CHDH: variants seen among roughly 807,000 people sequenced by gnomAD.
The protein encoded by CHDH is choline dehydrogenase, also known as choline dehydrogenase, mitochondrial.
In CHDH, 43 loss-of-function variants were observed where a neutral mutation model predicts 56.9. The observed-to-expected ratio is 0.76, with a 90% CI of 0.59 to 0.97. The LOEUF is 0.97. Ranked by LOEUF, CHDH falls within the 50% of genes least tolerant of loss-of-function variation. The probability of loss-of-function intolerance (pLI) is 0.00; values close to 1 mark genes in which losing one functional copy is unlikely to be tolerated. For missense variants in CHDH, 816 were observed against 821.1 expected (o/e 0.99, Z 0.08); for synonymous variants, 364 against 348.5 (o/e 1.04, Z -0.50).
Position 53,815,973 on chromosome 3 carries a change from A to T in CHDH, c.*1804T>A. The T allele has an allele frequency of 6.6e-6, 1 of 151,982 alleles. No individual in the cohort carries two copies. The highest frequency in any genetic ancestry group is 1.9e-4 in the East Asian group (1 of 5,190). 9.4% of individuals were successfully genotyped at this position (151,982 alleles called of 1,614,324 possible). On this transcript the variant is annotated 3_prime_UTR_variant, in exon 9 of 9. Transcript: ENST00000315251. ...AAATAAGTCTCTTGGCCGGTTTAGA[A>T]TTTTCTTTCTTGACCCTCTCTTCGA...
At chr3:53,833,047 G>A (rs1325883304) in intron 2 of CHDH, among the ~76,000 whole-genome samples, 1 of 152,176 alleles carries the variant, frequency 6.6e-6, no homozygotes, top group African/African-American at 2.4e-5. Context: ...GGCATTCCTG[G>A]GGGTTTTCAT....
chr3:53,819,094 C>T lies in CHDH; in HGVS notation c.1264-54G>A. 2.4e-6 allele frequency: 3 copies of T among 1,226,414 alleles called. No individual in the cohort carries two copies. In the South Asian group the frequency reaches 3.9e-5, roughly 16 times the overall value. 76.0% of individuals were successfully genotyped at this position (1,226,414 alleles called of 1,614,324 possible). On this transcript the variant is annotated intron_variant, in intron 7 of 8. Transcript: ENST00000315251. The surrounding 1 kb of genome is among the most constrained non-coding windows in gnomAD (Gnocchi z 5.4). ...GTCCCTCCATAGACATCCACAGTGACCTCTGTCAACCCTGGTTTACCTGTA... is the reference window on the plus strand; with the variant it reads ...GTCCCTCCATAGACATCCACAGTGATCTCTGTCAACCCTGGTTTACCTGTA...
In CHDH at chr3:53,816,840, GTTTTTTTTTTT is replaced by G. The variant is rs3079411; in HGVS notation, c.*926_*936del. ...TGAATAAGGTCCAAAAAAATCTCAGGTTTTTTTTTTTTTTTTTTTTTTTGAGACAGGGTCTC... is the reference window on the plus strand; with the variant it reads ...TGAATAAGGTCCAAAAAAATCTCAGGTTTTTTTTTTTTGAGACAGGGTCTC... On this transcript the variant is annotated 3_prime_UTR_variant, in exon 9 of 9. Transcript: ENST00000315251. 1.2e-4 allele frequency: 14 copies of G among 112,526 alleles called. No individual in the cohort carries two copies. Among genetic ancestry groups the G allele is most frequent in the African/African-American group, 4.4e-4 (12 of 27,544 alleles). The allele number at this position is 112,526 out of a possible 1,614,324, so 7.0% of individuals were successfully genotyped here.
At position 53,817,996 on chromosome 3, in the gene CHDH, GGAGGGCTGGCCCATCTTACAGGTGCAC is replaced by G; in HGVS notation, c.1539_1565del (p.Cys514_Ser522del). Reference sequence around the variant, plus strand: ...GCGGATCCACCACGGCAGTGGGATCGGAGGGCTGGCCCATCTTACAGGTGCACGAGGGGTGGTAGGCGCTGTCGGCTT... The same window carrying G: ...GCGGATCCACCACGGCAGTGGGATCGGAGGGGTGGTAGGCGCTGTCGGCTT... On this transcript the variant is annotated inframe_deletion, in exon 9 of 9. Transcript: ENST00000315251. 2 of 1,614,212 alleles carry G rather than the reference GGAGGGCTGGCCCATCTTACAGGTGCAC, an allele frequency of 1.2e-6. No individual in the cohort carries two copies. Among genetic ancestry groups the G allele is most frequent in the Non-Finnish European group, 1.7e-6 (2 of 1,180,040 alleles).
chr3:53,822,480 A>T lies in CHDH; in HGVS notation c.855+11T>A, dbSNP rs370373778. The T allele has an allele frequency of 1.9e-4, 311 of 1,601,212 alleles. 1 individual carries two copies. The highest frequency in any genetic ancestry group is 2.6e-4 in the Non-Finnish European group (304 of 1,170,516). On this transcript the variant is annotated intron_variant, in intron 4 of 8. Transcript: ENST00000315251. ...CCCCTTCTTCCAGGACCCCAGCTGC[A>T]GTCCACTCACCCTGTGGCTCTGGCC... is the stretch of plus-strand genomic sequence containing the variant.
intron 4 of CHDH, among the ~76,000 whole-genome samples, chr3:53,822,072 C>T (rs79071432): frequency 1.3e-3 from 200 of 151,002 alleles, no homozygotes; most frequent in African/African-American, 4.5e-3. Context: ...AGAGAGCAAG[C>T]GGTGAACCAG....
intron 2 of CHDH, among the ~76,000 whole-genome samples, chr3:53,839,842 A>T (rs946181209): frequency 3.3e-5 from 5 of 152,364 alleles, no homozygotes; most frequent in East Asian, 3.9e-4. Flanking sequence ...CAGATTTTTT[A>T]AAAATGTGAT....
rs762871358 is a variant in CHDH, at chr3:53,819,627, GGCTGCGGATGAACCCACCT to G, written c.1149_1167del (p.Gly384SerfsTer18). On this transcript the variant is annotated frameshift_variant, in exon 7 of 9. Transcript: ENST00000315251. LOFTEE classifies it high-confidence loss of function. This position sits in a 1 kb window ranked among gnomAD's most constrained non-coding sequence, Gnocchi z 5.4. ...ATGTCCGGGTGGGGGACCCCAGGCT[GGCTGCGGATGAACCCACCT>G]GTTTCCAGATGGGCAGTGGCTCCCT... 6.2e-7 allele frequency: 1 copy of G among 1,612,300 alleles called. No individual in the cohort carries two copies. The highest frequency in any genetic ancestry group is 1.7e-5 in the Admixed American group (1 of 59,874).
intron 1 of CHDH, among the ~76,000 whole-genome samples, chr3:53,845,459 T>C (rs1267491973): frequency 6.6e-6 from 1 of 152,238 alleles, no homozygotes; most frequent in Non-Finnish European, 1.5e-5. Flanking sequence ...TAAATGGCCC[T>C]GAGTTGGTCA....
In CHDH at chr3:53,819,362, A is replaced by C. The variant is rs1034361294; in HGVS notation, c.1263+170T>G. 6.6e-6 allele frequency among the ~76,000 whole-genome samples: 1 copy of C among 152,144 alleles called. No homozygotes were observed. The highest frequency in any genetic ancestry group is 2.4e-5 in the African/African-American group (1 of 41,426). On this transcript the variant is annotated intron_variant, in intron 7 of 8. Transcript: ENST00000315251. This position sits in a 1 kb window ranked among gnomAD's most constrained non-coding sequence, Gnocchi z 5.4. ...TGAAACAGTCATACCATTGGCATGC[A>C]CCACGCAGACTGACACGCTGGGCAG...
chr3:53,837,122 A>C (rs893880788), intron 2 of CHDH, among the ~76,000 whole-genome samples: 7 of 152,052 alleles, frequency 4.6e-5, no homozygotes, highest in Non-Finnish European at 1.0e-4. Flanking sequence ...TCAGCCCAGG[A>C]GTTCAAGGCT....
At position 53,823,448 on chromosome 3, in the gene CHDH, C is replaced by T; in HGVS notation, c.561G>A (p.Leu187=). 1 of 1,567,156 alleles carries T rather than the reference C, an allele frequency of 6.4e-7. No homozygotes were observed. Among genetic ancestry groups the T allele is most frequent in the Non-Finnish European group, 8.6e-7 (1 of 1,156,504 alleles). The change falls in exon 3 of 9, where the codon CTG becomes CTA. Residue 187 remains leucine (L), a synonymous_variant. Coordinates refer to ENST00000315251, the MANE Select transcript of CHDH (RefSeq NM_018397.5). The part of the protein sequence containing the change: ...ASRYRGADGP[L]RVSRGKTNHP... ...GGTTGGTCTTGCCCCGGGACACCCG[C>T]AGCGGGCCATCGGCGCCCCGGTACC...
At chr3:53,838,146 G>A (rs542180590) in intron 2 of CHDH, among the ~76,000 whole-genome samples, 19 of 149,992 alleles carry the variant, frequency 1.3e-4, no homozygotes, top group South Asian at 6.4e-4. Context: ...GGCCCAGGCC[G>A]CTCAACCTCC....
chr3:53,818,314 G>T (rs2095619601), intron 8 of CHDH, 119 bp from the exon 9 acceptor site: 1 of 921,324 alleles, frequency 1.1e-6, no homozygotes, highest in Non-Finnish European at 1.6e-6. Context: ...TGGGGACAAA[G>T]TTCAGGGCCA....
In CHDH at chr3:53,817,963, C is replaced by T. The variant is rs146668805; in HGVS notation, c.1599G>A (p.Arg533=). ...CCCTGAGGTTTTCCACCCCGAGGAC[C>T]CTTGTCTGCGGATCCACCACGGCAG... ...DPTAVVDPQT[R]VLGVENLRVV... The change falls in exon 9 of 9, where the codon AGG becomes AGA. Residue 533 remains arginine, a synonymous_variant. Coordinates refer to ENST00000315251, the MANE Select transcript of CHDH (RefSeq NM_018397.5). 2.2e-5 allele frequency: 36 copies of T among 1,614,198 alleles called. No individual in the cohort carries two copies. The highest frequency in any genetic ancestry group is 2.9e-5 in the Non-Finnish European group (34 of 1,180,046).
intron 3 of CHDH, 67 bp downstream of exon 3, chr3:53,823,239 G>A (rs936898346): frequency 8.7e-6 from 12 of 1,384,696 alleles, no homozygotes; most frequent in African/African-American, 7.4e-5. Context: ...CTGGAGCCAC[G>A]GGCCAAGATG....
At chr3:53,831,969 A>G (rs1171837302) in intron 2 of CHDH, among the ~76,000 whole-genome samples, 1 of 151,086 alleles carries the variant, frequency 6.6e-6, no homozygotes, top group South Asian at 2.1e-4. Flanking sequence ...AAAAAAAAAG[A>G]AAGAAAAGTA....
Position 53,817,368 on chromosome 3 carries a change from C to CTT in CHDH, c.*408_*409insAA, listed in dbSNP as rs941416916. On this transcript the variant is annotated 3_prime_UTR_variant, in exon 9 of 9. Transcript: ENST00000315251. ...CAGCTCAAGAAGGAGGATGCCCCTT[C>CTT]CTTCGCGAACCCTCCGTGGGTCTGG... The CTT allele has an allele frequency of 1.6e-5, 3 of 181,942 alleles. No homozygotes were observed. Among genetic ancestry groups the CTT allele is most frequent in the Admixed American group, 1.1e-4 (2 of 18,580 alleles). The allele number at this position is 181,942 out of a possible 1,614,324, so 11.3% of individuals were successfully genotyped here. A position where few individuals can be genotyped will look rare whatever the true frequency, so the allele number is the denominator to read the frequency against.
In CHDH at chr3:53,813,821, A is replaced by G. The variant is rs140226644; in HGVS notation, c.*3956T>C. 66 of 152,256 alleles carry G rather than the reference A, an allele frequency of 4.3e-4. No homozygotes were observed. In the East Asian group the frequency reaches 0.012, roughly 27 times the overall value. 9.4% of individuals were successfully genotyped at this position (152,256 alleles called of 1,614,324 possible). ...GTTTTTCCTTTTTGGTCCCCTCCCC[A>G]TCTGAAAAACACACATTTTTGTGTC... On this transcript the variant is annotated 3_prime_UTR_variant, in exon 9 of 9. Coordinates refer to ENST00000315251, the MANE Select transcript of CHDH (RefSeq NM_018397.5).
Sources: allele counts gnomAD v4.1 joint callset (sites outside exome capture counted in the v4.1 genomes callset), GRCh38; gene constraint gnomAD v4.1.1; non-coding constraint Gnocchi (gnomAD v3.1); transcripts MANE v1.5; gene names NCBI Gene and HGNC (gene_info 2026-07-23, HGNC 2026-07-21).